IKZF1: variants seen among roughly 807,000 people sequenced by gnomAD.
IKZF1 encodes the protein IKAROS family zinc finger 1.
IKZF1 carries 10 observed loss-of-function variants against 51.7 expected under a neutral mutation model. The ratio of observed to expected loss-of-function variants is 0.19; its 90% confidence interval spans 0.12 to 0.33. IKZF1 has a LOEUF of 0.33. Among genes scored for constraint, IKZF1 ranks in the 10% least tolerant of loss-of-function variants. The probability of loss-of-function intolerance (pLI) is 1.00; values close to 1 mark genes in which losing one functional copy is unlikely to be tolerated. For synonymous variants in IKZF1, 280 were observed against 282.3 expected, an observed-to-expected ratio of 0.99 and a Z score of 0.08; for missense variants, 484 against 707.5, an observed-to-expected ratio of 0.68 and a Z score of 3.58.
chr7:50,336,108 A>T (rs982036084), intron 3 of IKZF1, among the ~76,000 whole-genome samples: 4 of 152,284 alleles, frequency 2.6e-5, no homozygotes, highest in Admixed American at 6.5e-5. Context: ...ACTGACCCCT[A>T]CAAAAAGCTT....
intron 4 of IKZF1, among the ~76,000 whole-genome samples, chr7:50,380,850 G>A (rs1168662377): frequency 6.6e-6 from 1 of 152,212 alleles, no homozygotes; most frequent in Non-Finnish European, 1.5e-5. Flanking sequence ...CTGGCTGCTA[G>A]CTGTTTTAGC....
intron 3 of IKZF1, among the ~76,000 whole-genome samples, chr7:50,357,115 C>T (rs2153439572): frequency 6.6e-6 from 1 of 152,096 alleles, no homozygotes; most frequent in South Asian, 2.1e-4. Context: ...TCTCCCACTT[C>T]TCTCTCTCTG....
Position 50,391,752 on chromosome 7 carries a change from A to G in IKZF1, c.739A>G (p.Ser247Gly). The G allele has an allele frequency of 6.2e-7, 1 of 1,614,010 alleles. No homozygotes were observed. Among genetic ancestry groups the G allele is most frequent in the Middle Eastern group, 1.6e-4 (1 of 6,062 alleles). Reference protein sequence around the residue: ...YPVIKEETNHSEMAEDLCKIG... With the variant: ...YPVIKEETNHGEMAEDLCKIG... ...AGTCATTAAAGAAGAAACTAATCACAGTGAAATGGCAGAAGACCTGTGCAA... is the reference window on the plus strand; with the variant it reads ...AGTCATTAAAGAAGAAACTAATCACGGTGAAATGGCAGAAGACCTGTGCAA... The change falls in exon 7 of 8, where the codon AGT (serine) becomes GGT (glycine). Residue 247 changes from serine (S) to glycine (G), a missense_variant. Coordinates refer to ENST00000331340, the MANE Select transcript of IKZF1 (RefSeq NM_006060.6).
rs754380819 is a variant in IKZF1, at chr7:50,403,626, C to A, written c.*2999C>A. On this transcript the variant is annotated 3_prime_UTR_variant, in exon 8 of 8. Coordinates refer to ENST00000331340, the MANE Select transcript of IKZF1 (RefSeq NM_006060.6). ...TGTGATTATCCTAATTCAAGAGTCA[C>A]TAAAACTCATCACATTATCATTGCA... The A allele has an allele frequency of 3.5e-5, 8 of 228,512 alleles. No homozygotes were observed. Among genetic ancestry groups the A allele is most frequent in the Admixed American group, 5.7e-5 (1 of 17,616 alleles). 14.2% of individuals were successfully genotyped at this position (228,512 alleles called of 1,614,324 possible).
intron 6 of IKZF1, among the ~76,000 whole-genome samples, chr7:50,389,102 A>G (rs1179339600): frequency 6.6e-6 from 1 of 152,190 alleles, no homozygotes; most frequent in Non-Finnish European, 1.5e-5. Context: ...GGAGCAGGAG[A>G]AGCAGCACTC....
At chr7:50,380,834 G>C (rs1313818918) in intron 4 of IKZF1, among the ~76,000 whole-genome samples, 1 of 152,174 alleles carries the variant, frequency 6.6e-6, no homozygotes, top group Non-Finnish European at 1.5e-5. Flanking sequence ...AACTCTCCTG[G>C]GCTACCTGGC....
chr7:50,328,042 C>A, intron 3 of IKZF1: 1 of 342,160 alleles, frequency 2.9e-6, no homozygotes, highest in Admixed American at 4.5e-5. Flanking sequence ...TCTGTCCTCA[C>A]TGCACTTGCA....
At chr7:50,386,224 T>C (rs975769054) in intron 5 of IKZF1, among the ~76,000 whole-genome samples, 1 of 152,242 alleles carries the variant, frequency 6.6e-6, no homozygotes, top group African/African-American at 2.4e-5. Context: ...GGCTAGTCTT[T>C]CTTTTTCCTA....
At chr7:50,390,816 C>T (rs944204201) in intron 6 of IKZF1, among the ~76,000 whole-genome samples, 1 of 152,140 alleles carries the variant, frequency 6.6e-6, no homozygotes, top group Non-Finnish European at 1.5e-5. Flanking sequence ...GAAGAATAGA[C>T]AAACAAATCA....
intron 1 of IKZF1, among the ~76,000 whole-genome samples, chr7:50,306,310 A>T (rs1377205548): frequency 6.6e-6 from 1 of 152,230 alleles, no homozygotes; most frequent in Non-Finnish European, 1.5e-5. Context: ...TACATGAAAA[A>T]AAACGTGACT....
At chr7:50,338,975 A>C (rs1464256568) in intron 3 of IKZF1, among the ~76,000 whole-genome samples, 2 of 152,264 alleles carry the variant, frequency 1.3e-5, no homozygotes, top group Non-Finnish European at 2.9e-5. Context: ...TGAGCCACCT[A>C]GAATCAGCCA....
intron 1 of IKZF1, among the ~76,000 whole-genome samples, chr7:50,305,539 A>G (rs939305237): frequency 6.6e-6 from 1 of 152,054 alleles, no homozygotes. Context: ...TTTTCCTTCT[A>G]ATTTGGAGGC....
chr7:50,360,250 G>C (rs1428676188), intron 3 of IKZF1, among the ~76,000 whole-genome samples: 1 of 151,966 alleles, frequency 6.6e-6, no homozygotes, highest in Non-Finnish European at 1.5e-5. Flanking sequence ...TGGAATCTTT[G>C]AGGCTGACAC....
At chr7:50,337,119 G>A (rs1405135685) in intron 3 of IKZF1, among the ~76,000 whole-genome samples, 2 of 152,088 alleles carry the variant, frequency 1.3e-5, no homozygotes, top group Non-Finnish European at 2.9e-5. Flanking sequence ...AGAGGGACCG[G>A]GAGCGGCACA....
intron 7 of IKZF1, chr7:50,393,970 T>C (rs1815966607): frequency 4.3e-6 from 1 of 232,524 alleles, no homozygotes; most frequent in Admixed American, 5.6e-5. Context: ...TTTTGGAGAC[T>C]TGAAACCAAA....
At chr7:50,399,384 T>C (rs1226155679) in intron 7 of IKZF1, among the ~76,000 whole-genome samples, 1 of 151,546 alleles carries the variant, frequency 6.6e-6, no homozygotes, top group African/African-American at 2.4e-5. Context: ...TTACACTAGA[T>C]TATTAAAATT....
At chr7:50,382,993 G>A (rs541205532) in intron 5 of IKZF1, among the ~76,000 whole-genome samples, 7 of 152,240 alleles carry the variant, frequency 4.6e-5, no homozygotes, top group South Asian at 4.1e-4. Context: ...TCCTCATCCC[G>A]TTTGTCAGGC....
chr7:50,342,136 T>C (rs1482126262), intron 3 of IKZF1, among the ~76,000 whole-genome samples: 2 of 152,220 alleles, frequency 1.3e-5, no homozygotes, highest in Non-Finnish European at 2.9e-5. Context: ...AAGTCTTTCA[T>C]TTTTTGCCCA....
intron 3 of IKZF1, among the ~76,000 whole-genome samples, chr7:50,353,938 A>G (rs993439506): frequency 6.6e-6 from 1 of 152,178 alleles, no homozygotes; most frequent in Non-Finnish European, 1.5e-5. Context: ...GGACCCAGGG[A>G]GGCCCCAAGC....
Sources: allele counts gnomAD v4.1 joint callset (sites outside exome capture counted in the v4.1 genomes callset), GRCh38; gene constraint gnomAD v4.1.1; transcripts MANE v1.5; gene names NCBI Gene and HGNC (gene_info 2026-07-23, HGNC 2026-07-21).